Variants in FAM227B observed in about 807,000 individuals in gnomAD.
The protein encoded by FAM227B is protein FAM227B.
In FAM227B, 88 loss-of-function variants were observed where a neutral mutation model predicts 73.8. The ratio of observed to expected loss-of-function variants is 1.19; its 90% CI spans 1.00 to 1.42. FAM227B has a LOEUF of 1.42. Ranked by LOEUF, FAM227B falls within the 40% of genes most tolerant of loss-of-function variation. FAM227B has a pLI of 0.00. For synonymous variants in FAM227B, 210 were observed against 190.5 expected, an observed-to-expected ratio of 1.10 and a Z score of -0.84; for missense variants, 632 against 590.9, an observed-to-expected ratio of 1.07 and a Z score of -0.72.
At position 49,380,840 on chromosome 15, in the gene FAM227B, CA is replaced by C. The variant is rs561427012; in HGVS notation, c.1013-9442del. Among the ~76,000 whole-genome samples the C allele has an allele frequency of 3.9e-3, 599 of 152,164 alleles. 11 individuals are homozygous for C. The highest frequency in any genetic ancestry group is 2.4e-3 in the Non-Finnish European group (160 of 68,008). ...ACAGCTGTGGTCAATGAAATGTCGG[CA>C]GAAGCCCCTTGTGTTAGTCCATTCT... On this transcript the variant is annotated intron_variant, in intron 11 of 15. Transcript: ENST00000299338.
At chr15:49,525,700 ATATATATATAT>A (rs2060132098) in intron 10 of FAM227B, among the ~76,000 whole-genome samples, 2 of 68,968 alleles carry the variant, frequency 2.9e-5, no homozygotes, top group Admixed American at 1.4e-4. Flanking sequence ...ATATATATAT[ATATATATATAT>A]ATATATATCA....
rs149989684 is a variant in FAM227B at position 49,440,597 on chromosome 15, C to G, written c.1012+67614G>C. ...AATTAATGCATTAATATTTATTAAA[C>G]AGATGGGAGAATAAAAACTTCTCTT... On this transcript the variant is annotated intron_variant, in intron 11 of 15. Transcript: ENST00000299338. Among the ~76,000 whole-genome samples, 286 of 151,798 alleles carry G rather than the reference C, an allele frequency of 1.9e-3. 1 individual carries two copies. The highest frequency in any genetic ancestry group is 6.5e-3 in the African/African-American group (269 of 41,468).
intron 11 of FAM227B, among the ~76,000 whole-genome samples, chr15:49,434,103 A>G (rs1355588547): frequency 6.6e-6 from 1 of 151,556 alleles, no homozygotes; most frequent in African/African-American, 2.4e-5. Context: ...TAGTGCCAGT[A>G]GCCTGATCTT....
intron 3 of FAM227B, among the ~76,000 whole-genome samples, chr15:49,601,283 T>C (rs1212840575): frequency 2.0e-5 from 3 of 151,674 alleles, no homozygotes; most frequent in African/African-American, 7.3e-5. Context: ...TTATCTCTTG[T>C]GTATGTACAC....
chr15:49,612,185 G>A (rs544585364), intron 2 of FAM227B, among the ~76,000 whole-genome samples: 21 of 151,858 alleles, frequency 1.4e-4, no homozygotes, highest in Admixed American at 6.6e-5. Context: ...TTGGTGTGCT[G>A]CACCCATTAA....
intron 12 of FAM227B, among the ~76,000 whole-genome samples, chr15:49,368,341 A>AT (rs1295461465): frequency 6.6e-6 from 1 of 152,160 alleles, no homozygotes. Flanking sequence ...ATTATGAAAG[A>AT]TTTTTTATTG....
intron 13 of FAM227B, among the ~76,000 whole-genome samples, chr15:49,360,978 G>C (rs1199066012): frequency 6.6e-6 from 1 of 152,022 alleles, no homozygotes; most frequent in Non-Finnish European, 1.5e-5. Context: ...TCCCTCTTGT[G>C]ATTTAGGCAA....
At chr15:49,471,513 ATAATAATAATAATAATAATAT>A (rs2054760486) in intron 11 of FAM227B, among the ~76,000 whole-genome samples, 1 of 148,082 alleles carries the variant, frequency 6.8e-6, no homozygotes, top group African/African-American at 2.5e-5. Context: ...AATAATAATA[ATAATAATAATAATAATAATAT>A]GGCAAATGTA....
At chr15:49,503,531 C>T (rs1858422382) in intron 11 of FAM227B, among the ~76,000 whole-genome samples, 1 of 152,086 alleles carries the variant, frequency 6.6e-6, no homozygotes, top group East Asian at 1.9e-4. Flanking sequence ...ACTCATCTGA[C>T]AAAGGGCTAA....
intron 11 of FAM227B, among the ~76,000 whole-genome samples, chr15:49,379,178 A>G (rs1337289910): frequency 6.6e-6 from 1 of 152,060 alleles, no homozygotes; most frequent in East Asian, 1.9e-4. Context: ...TTTCTAATGT[A>G]TTGTTTAATT....
chr15:49,613,569 G>C (rs1357337587), intron 2 of FAM227B, among the ~76,000 whole-genome samples: 1 of 152,012 alleles, frequency 6.6e-6, no homozygotes, highest in Non-Finnish European at 1.5e-5. Flanking sequence ...AGCACAACTG[G>C]CTAACTATAG....
chr15:49,328,476 G>T lies in FAM227B; in HGVS notation c.*92C>A. 6.5e-7 allele frequency: 1 copy of T among 1,542,136 alleles called. No homozygotes were observed. On this transcript the variant is annotated 3_prime_UTR_variant, in exon 16 of 16. Coordinates refer to ENST00000299338, the MANE Select transcript of FAM227B (RefSeq NM_152647.3). ...ACACACTCTTAATACTGATTACATG[G>T]ATTGGACTTGAATTAAATATATTGT...
At chr15:49,480,684 T>C (rs2055863776) in intron 11 of FAM227B, among the ~76,000 whole-genome samples, 1 of 152,086 alleles carries the variant, frequency 6.6e-6, no homozygotes, top group South Asian at 2.1e-4. Context: ...GGTTTCGCCA[T>C]GTTGGCCAGG....
intron 13 of FAM227B, chr15:49,366,709 T>A: frequency 7.5e-7 from 1 of 1,330,286 alleles, no homozygotes; most frequent in Non-Finnish European, 1.1e-6. Flanking sequence ...GCGGGTGGGG[T>A]GGCGCGGCGC....
Position 49,589,815 on chromosome 15 carries a change from A to C in FAM227B, c.298T>G (p.Ser100Ala). 6.2e-7 allele frequency: 1 copy of C among 1,603,694 alleles called. No homozygotes were observed. The highest frequency in any genetic ancestry group is 2.2e-5 in the East Asian group (1 of 44,762). ...ATGCTTTTCCACTTAAATATTTCAG[A>C]GGTGTGGTTTTGCAAAATAAGTGAA... ...EYSLILQNHTSEIFKWKSMIS... is the reference protein window; with the variant it reads ...EYSLILQNHTAEIFKWKSMIS... The change falls in exon 4 of 16, where the codon TCT (serine) becomes GCT (alanine). Residue 100 changes from serine to alanine, a missense_variant. By Grantham distance (99) the Ser-to-Ala change is moderately conservative. Transcript: ENST00000299338.
chr15:49,493,447 G>T (rs1162123223), intron 11 of FAM227B, among the ~76,000 whole-genome samples: 2 of 151,766 alleles, frequency 1.3e-5, no homozygotes, highest in Admixed American at 1.3e-4. Context: ...GTGTCTCTGG[G>T]ATTTGTCTAT....
chr15:49,388,868 C>A (rs1195011316), intron 11 of FAM227B, among the ~76,000 whole-genome samples: 1 of 151,714 alleles, frequency 6.6e-6, no homozygotes, highest in Non-Finnish European at 1.5e-5. Context: ...TACAAATGGT[C>A]AATAAATATA....
chr15:49,394,313 G>C (rs1030781569), intron 11 of FAM227B, among the ~76,000 whole-genome samples: 4 of 152,144 alleles, frequency 2.6e-5, no homozygotes, highest in Non-Finnish European at 5.9e-5. Context: ...ACATAGTGCT[G>C]GTAATTGGGT....
intron 13 of FAM227B, among the ~76,000 whole-genome samples, chr15:49,343,228 TC>T (rs2041000132): frequency 1.3e-5 from 2 of 152,292 alleles, no homozygotes; most frequent in Admixed American, 6.5e-5. Context: ...TTTTCTTAAT[TC>T]TTTTTTTAAT....
Sources: allele counts gnomAD v4.1 joint callset (sites outside exome capture counted in the v4.1 genomes callset), GRCh38; gene constraint gnomAD v4.1.1; transcripts MANE v1.5; gene names NCBI Gene and HGNC (gene_info 2026-07-23, HGNC 2026-07-21).